The following VTI1A variants were observed in gnomAD, a reference collection of about 807,000 sequenced individuals.
VTI1A encodes vesicle transport through interaction with t-SNAREs homolog 1A.
A neutral mutation model predicts 34.9 loss-of-function variants in VTI1A; 22 were observed. That is an observed-to-expected ratio of 0.63 (90% CI 0.45 to 0.90). The LOEUF (loss-of-function observed/expected upper bound fraction) is 0.90. Among genes scored for constraint, VTI1A ranks in the 40% least tolerant of loss-of-function variants. VTI1A has a pLI of 0.00. For synonymous variants in VTI1A, 87 were observed against 97.3 expected (o/e 0.89, Z 0.62); for missense variants, 268 against 275.6 (o/e 0.97, Z 0.20).
At chr10:112,458,396 C>T (rs1218038779) in intron 1 of VTI1A, among the ~76,000 whole-genome samples, 1 of 152,146 alleles carries the variant, frequency 6.6e-6, no homozygotes, top group African/African-American at 2.4e-5. Context: ...GAAGCAAATA[C>T]ATTTGGGATC....
chr10:112,766,802 G>A lies in VTI1A; in HGVS notation c.561-48488G>A, dbSNP rs139274841. 8.5e-5 allele frequency among the ~76,000 whole-genome samples: 13 copies of A among 152,258 alleles called. No individual in the cohort carries two copies. In the East Asian group the frequency reaches 2.1e-3, roughly 25 times the overall value. ...GCAAAGGAAATTTAACATAGCATAG[G>A]TATTCTAAGTATTTACAAGTACTTT... On this transcript the variant is annotated intron_variant, in intron 7 of 7. Transcript: ENST00000393077.
chr10:112,844,895 G>T, the VTI1A span, among the ~76,000 whole-genome samples: 6 of 152,156 alleles, frequency 3.9e-5, no homozygotes, highest in East Asian at 7.7e-4. Flanking sequence ...TTGTTGGCAA[G>T]AAAAGGCAGG....
At chr10:112,619,068 T>G (rs1001287349) in intron 5 of VTI1A, among the ~76,000 whole-genome samples, 24 of 151,800 alleles carry the variant, frequency 1.6e-4, no homozygotes, top group African/African-American at 3.4e-4. Context: ...ACACAGTTTT[T>G]TTTTTTTTTT....
At chr10:112,507,161 G>A (rs972401500) in intron 3 of VTI1A, among the ~76,000 whole-genome samples, 4 of 152,100 alleles carry the variant, frequency 2.6e-5, no homozygotes, top group Non-Finnish European at 4.4e-5. Flanking sequence ...TTAAGCTTCA[G>A]TTTAATTCAG....
intron 5 of VTI1A, among the ~76,000 whole-genome samples, chr10:112,597,305 C>T (rs1844689461): frequency 6.6e-6 from 1 of 152,132 alleles, no homozygotes; most frequent in Admixed American, 6.5e-5. Flanking sequence ...GCCACCTCCG[C>T]CTCCTGGGTT....
At chr10:112,844,469 G>A in the VTI1A span, among the ~76,000 whole-genome samples, 1 of 152,184 alleles carries the variant, frequency 6.6e-6, no homozygotes, top group African/African-American at 2.4e-5. Context: ...TTCAATCTCG[G>A]CTCACTGCAA....
intron 5 of VTI1A, among the ~76,000 whole-genome samples, chr10:112,611,628 A>G (rs936796923): frequency 6.6e-6 from 1 of 152,186 alleles, no homozygotes; most frequent in Non-Finnish European, 1.5e-5. Context: ...TGTTTTTCGC[A>G]TATAAAAACC....
intron 7 of VTI1A, among the ~76,000 whole-genome samples, chr10:112,702,015 G>A (rs896758036): frequency 1.3e-5 from 2 of 152,104 alleles, no homozygotes; most frequent in Non-Finnish European, 2.9e-5. Flanking sequence ...TCATTTCAGT[G>A]AGAAAGGAAA....
In VTI1A at chr10:112,538,315, AT is replaced by A; in HGVS notation, c.413del (p.Ile138LysfsTer44). Reference sequence around the variant, plus strand: ...TCGGAGACTAGAGGCTGGATACCAAATAGCAGTGGAAACCGGTAAGAATTCT... The same window carrying A: ...TCGGAGACTAGAGGCTGGATACCAAAAGCAGTGGAAACCGGTAAGAATTCT... ...SSRRLEAGYQ[I>X]AVETEQIGQE... On this transcript the variant is annotated frameshift_variant, in exon 5 of 8. Transcript: ENST00000393077. LOFTEE classifies it high-confidence loss of function. 1.2e-6 allele frequency: 2 copies of A among 1,613,810 alleles called. No homozygotes were observed. Among genetic ancestry groups the A allele is most frequent in the Non-Finnish European group, 1.7e-6 (2 of 1,179,808 alleles).
chr10:112,709,754 A>G (rs1353538279), intron 7 of VTI1A, among the ~76,000 whole-genome samples: 1 of 126,228 alleles, frequency 7.9e-6, no homozygotes, highest in South Asian at 2.7e-4. Context: ...GCAGTGGCGC[A>G]GTCTTGGCTC....
chr10:112,831,101 C>T, the VTI1A span: 1 of 151,618 alleles, frequency 6.6e-6, no homozygotes. Flanking sequence ...TGGTACAAGG[C>T]CTGTTTATTT....
At chr10:112,510,475 A>T (rs1222278303) in intron 3 of VTI1A, among the ~76,000 whole-genome samples, 1 of 152,152 alleles carries the variant, frequency 6.6e-6, no homozygotes, top group Middle Eastern at 3.2e-3. Flanking sequence ...CTCTAAAAAA[A>T]TAATTAAAAA....
At chr10:112,456,591 A>G (rs556046039) in intron 1 of VTI1A, among the ~76,000 whole-genome samples, 149 of 152,216 alleles carry the variant, frequency 9.8e-4, no homozygotes, top group Middle Eastern at 6.8e-3. Flanking sequence ...AGCAAAGACT[A>G]TATTATAAGA....
chr10:112,487,466 A>G (rs2134115089), intron 3 of VTI1A, among the ~76,000 whole-genome samples: 1 of 152,290 alleles, frequency 6.6e-6, no homozygotes, highest in East Asian at 1.9e-4. Flanking sequence ...TATCATTGGC[A>G]ATTGGATCAA....
chr10:112,766,077 C>G (rs1334703438), intron 7 of VTI1A, among the ~76,000 whole-genome samples: 1 of 152,164 alleles, frequency 6.6e-6, no homozygotes, highest in East Asian at 1.9e-4. Context: ...GCCAGTGTGT[C>G]TGGAGAAGCA....
At chr10:112,830,843 ATATATATT>A in the VTI1A span, among the ~76,000 whole-genome samples, 1 of 45,212 alleles carries the variant, frequency 2.2e-5, no homozygotes, top group Non-Finnish European at 4.3e-5. Context: ...ATATATATAT[ATATATATT>A]TTTTTTTTTT....
chr10:112,607,798 A>C (rs1373979375), intron 5 of VTI1A, among the ~76,000 whole-genome samples: 1 of 152,116 alleles, frequency 6.6e-6, no homozygotes, highest in African/African-American at 2.4e-5. Flanking sequence ...GCTCACTCAA[A>C]TTGCTGCTGT....
intron 5 of VTI1A, among the ~76,000 whole-genome samples, chr10:112,639,863 G>A (rs991206558): frequency 2.6e-5 from 4 of 152,204 alleles, no homozygotes; most frequent in African/African-American, 9.6e-5. Context: ...GCTTATGCCA[G>A]TTTTCTGCTT....
intron 3 of VTI1A, among the ~76,000 whole-genome samples, chr10:112,479,689 G>A (rs1848401224): frequency 6.6e-6 from 1 of 152,098 alleles, no homozygotes; most frequent in African/African-American, 2.4e-5. Context: ...TTCAACTTCT[G>A]AAAATAATCA....
Sources: gnomAD v4.1 joint callset for allele counts (sites outside exome capture counted in the v4.1 genomes callset) on GRCh38, gnomAD v4.1.1 for gene constraint, MANE v1.5 for transcripts, NCBI Gene and HGNC (gene_info 2026-07-23, HGNC 2026-07-21) for gene names.